Variants in GALK2 observed in about 807,000 individuals in gnomAD.
The protein encoded by GALK2 is N-acetylgalactosamine kinase.
GALK2 carries 36 observed loss-of-function variants against 52.4 expected under a neutral mutation model. The ratio of observed to expected loss-of-function variants is 0.69; its 90% CI spans 0.53 to 0.91. The LOEUF is 0.91. Ranked by LOEUF, GALK2 falls within the 40% of genes least tolerant of loss-of-function variation. The pLI is 0.00. For missense variants in GALK2, 579 were observed against 559.1 expected (o/e 1.04, Z -0.36); for synonymous variants, 176 against 199.1 (o/e 0.88, Z 0.98).
chr15:49,352,058 G>A (rs1341391158), intron 3 of GALK2, among the ~76,000 whole-genome samples: 1 of 152,182 alleles, frequency 6.6e-6, no homozygotes, highest in African/African-American at 2.4e-5. Flanking sequence ...CCATCTCAAA[G>A]ATTTCCTCAT....
upstream of GALK2, among the ~76,000 whole-genome samples, chr15:49,165,965 G>T (rs766112090): frequency 6.6e-6 from 1 of 151,988 alleles, no homozygotes; most frequent in Middle Eastern, 3.4e-3. Context: ...ACCACGCCCA[G>T]CTAATTTTTT....
chr15:49,182,482 C>T (rs925428471), intron 1 of GALK2, among the ~76,000 whole-genome samples: 4 of 151,930 alleles, frequency 2.6e-5, no homozygotes, highest in Admixed American at 6.6e-5. Context: ...TTCAATACAC[C>T]GATTTCCTTT....
chr15:49,248,869 G>A (rs1465996455), intron 5 of GALK2, among the ~76,000 whole-genome samples: 1 of 152,156 alleles, frequency 6.6e-6, no homozygotes, highest in Non-Finnish European at 1.5e-5. Context: ...TTAGGGAACA[G>A]CAGATTTGAG....
intron 2 of GALK2, among the ~76,000 whole-genome samples, chr15:49,204,296 A>ATT (rs780300832): frequency 2.9e-5 from 4 of 138,114 alleles, no homozygotes; most frequent in Non-Finnish European, 4.7e-5. Context: ...TTCTTCTTTT[A>ATT]TTTTTTTTTT....
intron 5 of GALK2, among the ~76,000 whole-genome samples, chr15:49,271,826 C>T (rs1391054636): frequency 6.6e-6 from 1 of 152,152 alleles, no homozygotes; most frequent in Non-Finnish European, 1.5e-5. Flanking sequence ...ACATTGGGAT[C>T]TTTGGGAGGA....
At chr15:49,232,130 G>C (rs567604347) in intron 3 of GALK2, among the ~76,000 whole-genome samples, 1 of 152,296 alleles carries the variant, frequency 6.6e-6, no homozygotes, top group East Asian at 1.9e-4. Flanking sequence ...TAGACATTTA[G>C]GCTTTTCTAC....
At chr15:49,366,771 G>A in intron 3 of GALK2, 1 of 658,828 alleles carries the variant, frequency 1.5e-6, no homozygotes, top group Non-Finnish European at 2.5e-6. Flanking sequence ...TGCCTCCGTG[G>A]CGGGGGCGGC....
At position 49,355,356 on chromosome 15, in the gene GALK2, T is replaced by A. The variant is rs1596458345; in HGVS notation, c.427-12135T>A. Among the ~76,000 whole-genome samples the A allele has an allele frequency of 3.9e-5, 6 of 152,188 alleles. No individual in the cohort carries two copies. In the South Asian group the frequency reaches 6.2e-4, roughly 16 times the overall value. On this transcript the variant is annotated intron_variant, in intron 3 of 3. Coordinates refer to the GALK2 transcript ENST00000558399. ...GAAAACTTTGAAAAAAATTTAGCAG[T>A]ATGTATAACTAGAATAACCAATACA...
chr15:49,319,561 G>A, intron 8 of GALK2, 43 bp from the exon 9 acceptor site: 2 of 1,561,022 alleles, frequency 1.3e-6, no homozygotes, highest in Non-Finnish European at 1.8e-6. Flanking sequence ...GGGTTGTCCA[G>A]TAACTATTCC....
intron 5 of GALK2, among the ~76,000 whole-genome samples, chr15:49,268,191 G>T (rs2092419481): frequency 6.6e-6 from 1 of 152,168 alleles, no homozygotes; most frequent in South Asian, 2.1e-4. Flanking sequence ...TTAGACTAAT[G>T]GAGGAAGACT....
intron 9 of GALK2, among the ~76,000 whole-genome samples, chr15:49,321,367 A>G (rs1309241057): frequency 1.3e-5 from 2 of 152,230 alleles, no homozygotes; most frequent in African/African-American, 4.8e-5. Context: ...GCCACACCAT[A>G]TAGGCCGTGT....
intron 5 of GALK2, among the ~76,000 whole-genome samples, chr15:49,278,286 A>G (rs1469564071): frequency 2.0e-5 from 3 of 152,136 alleles, no homozygotes; most frequent in African/African-American, 7.2e-5. Context: ...AAAATAAAAC[A>G]CAATTGGACA....
intron 3 of GALK2, among the ~76,000 whole-genome samples, chr15:49,220,301 T>C (rs537053665): frequency 2.4e-4 from 36 of 152,272 alleles, no homozygotes; most frequent in African/African-American, 8.2e-4. Flanking sequence ...TCTATTATTC[T>C]ACCCTGTACC....
intron 3 of GALK2, among the ~76,000 whole-genome samples, chr15:49,347,826 C>T (rs2041723069): frequency 6.6e-6 from 1 of 151,944 alleles, no homozygotes; most frequent in South Asian, 2.1e-4. Context: ...CAAGACCAGC[C>T]TGGCCAACAT....
At chr15:49,256,335 C>T (rs1566983636) in intron 5 of GALK2, among the ~76,000 whole-genome samples, 3 of 152,148 alleles carry the variant, frequency 2.0e-5, no homozygotes. Context: ...AGAGCTTCTG[C>T]AGGGAACAGG....
intron 3 of GALK2, among the ~76,000 whole-genome samples, chr15:49,363,742 C>T (rs570057685): frequency 6.6e-6 from 1 of 151,554 alleles, no homozygotes. Flanking sequence ...ATGATGTTTG[C>T]TGTGGGTTTG....
At chr15:49,340,403 G>GCCCCCCCCCCCCCCCCCCCC (rs373386438) in intron 3 of GALK2, among the ~76,000 whole-genome samples, 8 of 94,376 alleles carry the variant, frequency 8.5e-5, no homozygotes, top group Non-Finnish European at 1.1e-4. Flanking sequence ...GCAGTGCCCC[G>GCCCCCCCCCCCCCCCCCCCC]CCCCCCCCCT....
chr15:49,198,191 T>A (rs1954277304), intron 1 of GALK2, among the ~76,000 whole-genome samples: 1 of 152,180 alleles, frequency 6.6e-6, no homozygotes, highest in African/African-American at 2.4e-5. Context: ...TTGTTGTTGT[T>A]GAGATGGAGT....
In GALK2 at chr15:49,283,664, G is replaced by T. The variant is rs753399317; in HGVS notation, c.702G>T (p.Lys234Asn). Residue 234 changes from lysine to asparagine, a missense_variant, in exon 7 of 10, where the codon AAG becomes AAT. By Grantham distance (94) the Lys-to-Asn change is moderately conservative (BLOSUM62 0). Coordinates refer to ENST00000560031, the MANE Select transcript of GALK2 (RefSeq NM_002044.4). Reference sequence around the variant, plus strand: ...CCAACAGTTGTGTGGAGATGAATAAGGCAGCAACTTCCCATTTCAATATCA... The same window carrying T: ...CCAACAGTTGTGTGGAGATGAATAATGCAGCAACTTCCCATTTCAATATCA... Reference protein sequence around the residue: ...VIANSCVEMNKAATSHFNIRV... With the variant: ...VIANSCVEMNNAATSHFNIRV... 6.2e-7 allele frequency: 1 copy of T among 1,614,110 alleles called. No homozygotes were observed.
Sources: allele counts gnomAD v4.1 joint callset (sites outside exome capture counted in the v4.1 genomes callset), GRCh38; gene constraint gnomAD v4.1.1; transcripts MANE v1.5; gene names NCBI Gene and HGNC (gene_info 2026-07-23, HGNC 2026-07-21).